Variants in JAKMIP2 observed in about 807,000 individuals in gnomAD.
JAKMIP2 encodes the protein janus kinase and microtubule-interacting protein 2.
JAKMIP2 carries 25 observed loss-of-function variants against 115.0 expected under a neutral mutation model. The observed-to-expected ratio is 0.22, with a 90% CI of 0.16 to 0.30. The LOEUF is 0.30. Among genes scored for constraint, JAKMIP2 ranks in the 10% least tolerant of loss-of-function variants. The pLI, the probability that JAKMIP2 is intolerant of heterozygous loss-of-function variation, is 1.00. For missense variants in JAKMIP2, 642 were observed against 957.6 expected (o/e 0.67, Z 4.35); for synonymous variants, 334 against 343.6 (o/e 0.97, Z 0.31).
Position 147,632,717 on chromosome 5 carries a change from T to G in JAKMIP2, c.1739A>C (p.Gln580Pro). The change falls in exon 13 of 22, where the codon CAG (glutamine) becomes CCG (proline). Residue 580 changes from glutamine to proline, a missense_variant. Gln to Pro is a moderately conservative substitution (Grantham distance 76, BLOSUM62 -1). Around this residue, in one of 6 missense-constraint regions of JAKMIP2, gnomAD observed 103 missense variants for 177.6 expected, o/e 0.58. Coordinates refer to ENST00000616793, the MANE Select transcript of JAKMIP2 (RefSeq NM_001270941.2). Reference sequence around the variant, plus strand: ...GTTTCGAAACTCCAGCAGCTCATTCTGGTCTCTGGCGTCCTGTAGTTCTTG... The same window carrying G: ...GTTTCGAAACTCCAGCAGCTCATTCGGGTCTCTGGCGTCCTGTAGTTCTTG... ...LQQELQDARD[Q>P]NELLEFRNLE... The G allele has an allele frequency of 6.2e-7, 1 of 1,613,142 alleles. No homozygotes were observed. Among genetic ancestry groups the G allele is most frequent in the Non-Finnish European group, 8.5e-7 (1 of 1,179,404 alleles).
At chr5:147,721,785 T>G (rs947008861) in intron 1 of JAKMIP2, among the ~76,000 whole-genome samples, 12 of 152,040 alleles carry the variant, frequency 7.9e-5, no homozygotes, top group African/African-American at 2.7e-4. Context: ...GTACCTCAGA[T>G]GGAAATGCAG....
chr5:147,608,885 T>G (rs1756163361), intron 20 of JAKMIP2, among the ~76,000 whole-genome samples: 1 of 152,230 alleles, frequency 6.6e-6, no homozygotes, highest in Middle Eastern at 3.2e-3. Flanking sequence ...ATATTTAGGA[T>G]AGTTCGCTCT....
intron 19 of JAKMIP2, among the ~76,000 whole-genome samples, chr5:147,614,834 C>T (rs1203177733): frequency 1.3e-5 from 2 of 152,182 alleles, no homozygotes; most frequent in East Asian, 3.9e-4. Flanking sequence ...TGCTCTGTTC[C>T]TTGACTATTC....
intron 3 of JAKMIP2, among the ~76,000 whole-genome samples, chr5:147,657,095 T>C (rs929655229): frequency 5.3e-5 from 8 of 152,002 alleles, no homozygotes; most frequent in African/African-American, 1.7e-4. Context: ...CTGGCTAACA[T>C]GGTGAAACCT....
rs1460295095 is a variant in JAKMIP2 at position 147,585,912 on chromosome 5, G to A, written c.*5795C>T. 1.3e-5 allele frequency: 2 copies of A among 151,824 alleles called. No homozygotes were observed. The highest frequency in any genetic ancestry group is 2.9e-5 in the Non-Finnish European group (2 of 67,970). The allele number at this position is 151,824 out of a possible 1,614,324, so 9.4% of individuals were successfully genotyped here. Reference sequence around the variant, plus strand: ...GAATTTTTAGCTAATAAAGATATGGGACTTTTGGCTAATTTTAATACTGTA... The same window carrying A: ...GAATTTTTAGCTAATAAAGATATGGAACTTTTGGCTAATTTTAATACTGTA... On this transcript the variant is annotated 3_prime_UTR_variant, in exon 22 of 22. Coordinates refer to ENST00000616793, the MANE Select transcript of JAKMIP2 (RefSeq NM_001270941.2).
At chr5:147,623,536 A>G in intron 17 of JAKMIP2, 85 bp downstream of exon 17, 1 of 790,288 alleles carries the variant, frequency 1.3e-6, no homozygotes. Flanking sequence ...CATCAGTGCC[A>G]GATAAAACTG....
chr5:147,656,436 T>C (rs1252302266), intron 3 of JAKMIP2, among the ~76,000 whole-genome samples: 3 of 152,246 alleles, frequency 2.0e-5, no homozygotes, highest in Admixed American at 6.5e-5. Flanking sequence ...TTTACCATTA[T>C]GTAATGCCCT....
chr5:147,782,208 G>T (rs1755784411), intron 1 of JAKMIP2, among the ~76,000 whole-genome samples: 1 of 152,042 alleles, frequency 6.6e-6, no homozygotes, highest in African/African-American at 2.4e-5. Context: ...AAGTGGCTCA[G>T]TCTGCATTCT....
intron 1 of JAKMIP2, among the ~76,000 whole-genome samples, chr5:147,675,991 T>G (rs1354470191): frequency 2.0e-5 from 3 of 152,128 alleles, no homozygotes; most frequent in Non-Finnish European, 4.4e-5. Context: ...GTCAGGCTTC[T>G]ACAGAAGCTG....
chr5:147,683,572 G>A (rs1760415731), intron 1 of JAKMIP2, among the ~76,000 whole-genome samples: 2 of 152,142 alleles, frequency 1.3e-5, no homozygotes, highest in Admixed American at 6.5e-5. Flanking sequence ...AATTATTGGA[G>A]GGAGTGGCTT....
intron 1 of JAKMIP2, among the ~76,000 whole-genome samples, chr5:147,690,964 T>A (rs937660658): frequency 6.6e-6 from 1 of 151,972 alleles, no homozygotes; most frequent in Non-Finnish European, 1.5e-5. Context: ...TTCCTGGGGG[T>A]AGGTGCCTGA....
intron 1 of JAKMIP2, among the ~76,000 whole-genome samples, chr5:147,716,596 C>T (rs75716637): frequency 3.1e-4 from 47 of 152,090 alleles, no homozygotes; most frequent in Non-Finnish European, 4.4e-4. Context: ...TGATGGCCAG[C>T]GATGATGAGC....
In JAKMIP2 at chr5:147,590,930, C is replaced by G. The variant is rs1030712631; in HGVS notation, c.*777G>C. 2 of 152,342 alleles carry G rather than the reference C, an allele frequency of 1.3e-5. No individual in the cohort carries two copies. The highest frequency in any genetic ancestry group is 4.8e-5 in the African/African-American group (2 of 41,424). The allele number at this position is 152,342 out of a possible 1,614,324, so 9.4% of individuals were successfully genotyped here. Reference sequence around the variant, plus strand: ...CTGCTTTTATTTCACATGTCACATTCGCTCGGGTCCTTTGACTTCGTTACC... The same window carrying G: ...CTGCTTTTATTTCACATGTCACATTGGCTCGGGTCCTTTGACTTCGTTACC... On this transcript the variant is annotated 3_prime_UTR_variant, in exon 22 of 22. Transcript: ENST00000616793.
rs191965986 is a variant in JAKMIP2 at position 147,609,195 on chromosome 5, T to C, written c.2412+3111A>G. ...TTTACATTTAAGGCTAATATTGTTA[T>C]GTGTGAATTTGATCCTGTCATTGTG... On this transcript the variant is annotated intron_variant, in intron 20 of 21. Coordinates refer to ENST00000616793, the MANE Select transcript of JAKMIP2 (RefSeq NM_001270941.2). 1.4e-4 allele frequency among the ~76,000 whole-genome samples: 21 copies of C among 152,350 alleles called. No homozygotes were observed. In the East Asian group the frequency reaches 2.5e-3, roughly 18 times the overall value.
chr5:147,602,346 G>C (rs1225372412), intron 20 of JAKMIP2, among the ~76,000 whole-genome samples: 1 of 152,202 alleles, frequency 6.6e-6, no homozygotes, highest in Admixed American at 6.5e-5. Context: ...ATTACTCACA[G>C]TGGAACATTT....
chr5:147,744,416 A>G (rs1296636065), intron 1 of JAKMIP2, among the ~76,000 whole-genome samples: 1 of 152,190 alleles, frequency 6.6e-6, no homozygotes, highest in African/African-American at 2.4e-5. Context: ...ATTGCCAAAG[A>G]TTCTCCAAGG....
At chr5:147,685,886 G>T (rs1760544542) in intron 1 of JAKMIP2, among the ~76,000 whole-genome samples, 1 of 152,036 alleles carries the variant, frequency 6.6e-6, no homozygotes, top group Admixed American at 6.6e-5. Context: ...TAATTGTATA[G>T]CTTCTATAAT....
intron 21 of JAKMIP2, among the ~76,000 whole-genome samples, chr5:147,597,065 G>A (rs1581260016): frequency 7.0e-6 from 1 of 143,128 alleles, no homozygotes; most frequent in East Asian, 2.0e-4. Context: ...TTTTTTTTTA[G>A]TAGAATGGGG....
At chr5:147,608,672 T>C (rs775986298) in intron 20 of JAKMIP2, among the ~76,000 whole-genome samples, 2 of 152,218 alleles carry the variant, frequency 1.3e-5, no homozygotes, top group Non-Finnish European at 2.9e-5. Context: ...TGGAGAGTTC[T>C]GTAGATGTCT....
Sources: allele counts gnomAD v4.1 joint callset (sites outside exome capture counted in the v4.1 genomes callset), GRCh38; gene constraint gnomAD v4.1.1; regional missense constraint gnomAD v4.1.1; transcripts MANE v1.5; gene names NCBI Gene and HGNC (gene_info 2026-07-23, HGNC 2026-07-21).